The following SLC2A13 variants were observed in gnomAD, a reference collection of about 807,000 sequenced individuals.
The protein encoded by SLC2A13 is solute carrier family 2 member 13.
In SLC2A13, 32 loss-of-function variants were observed where a neutral mutation model predicts 64.4. That is an observed-to-expected ratio of 0.50 (90% CI 0.37 to 0.67). The LOEUF is 0.67. SLC2A13 is among the 30% of genes least tolerant of loss of function. The pLI is 0.00. For synonymous variants in SLC2A13, 338 were observed against 327.1 expected (o/e 1.03, Z -0.36); for missense variants, 743 against 829.2 (o/e 0.90, Z 1.28).
chr12:39,978,474 C>T (rs558937398), intron 3 of SLC2A13, among the ~76,000 whole-genome samples: 11 of 152,160 alleles, frequency 7.2e-5, no homozygotes, highest in South Asian at 2.1e-4. Context: ...GCGCACCGTG[C>T]GCGAGCCGAA....
intron 9 of SLC2A13, among the ~76,000 whole-genome samples, chr12:39,763,852 T>C (rs574291418): frequency 2.0e-5 from 3 of 152,264 alleles, no homozygotes; most frequent in Non-Finnish European, 4.4e-5. Flanking sequence ...TTTTGAATTA[T>C]GGCCTCCATA....
At chr12:39,836,448 TCA>T (rs1471112588) in intron 6 of SLC2A13, among the ~76,000 whole-genome samples, 1 of 152,102 alleles carries the variant, frequency 6.6e-6, no homozygotes. Context: ...ATGCCCTCTC[TCA>T]CCACTCCTAT....
At chr12:39,800,309 G>T (rs1355107024) in intron 7 of SLC2A13, among the ~76,000 whole-genome samples, 1 of 152,102 alleles carries the variant, frequency 6.6e-6, no homozygotes, top group Admixed American at 6.5e-5. Context: ...AATTGGCAAG[G>T]TATTTCCAAG....
chr12:39,821,670 G>A (rs1266556086), intron 7 of SLC2A13, among the ~76,000 whole-genome samples: 1 of 152,156 alleles, frequency 6.6e-6, no homozygotes, highest in Non-Finnish European at 1.5e-5. Flanking sequence ...ATACCGAAGA[G>A]GGAAAAGAGG....
chr12:39,922,787 TCTTACAAAACTAG>T (rs1197041720), intron 4 of SLC2A13, among the ~76,000 whole-genome samples: 1 of 152,154 alleles, frequency 6.6e-6, no homozygotes, highest in Non-Finnish European at 1.5e-5. Context: ...GATAAGCTAG[TCTTACAAAACTAG>T]CTTGCAAAAC....
chr12:39,895,183 C>A (rs1944709393), intron 4 of SLC2A13, among the ~76,000 whole-genome samples: 1 of 151,922 alleles, frequency 6.6e-6, no homozygotes, highest in Admixed American at 6.6e-5. Flanking sequence ...CCCTGAGTAA[C>A]AAGTAGTGGG....
chr12:39,980,318 T>C (rs1946864911), intron 3 of SLC2A13, among the ~76,000 whole-genome samples: 1 of 151,592 alleles, frequency 6.6e-6, no homozygotes, highest in African/African-American at 2.4e-5. Context: ...AATTCACACA[T>C]AACAATATTA....
chr12:39,799,856 G>T (rs1941720475), intron 7 of SLC2A13, among the ~76,000 whole-genome samples: 1 of 152,186 alleles, frequency 6.6e-6, no homozygotes, highest in African/African-American at 2.4e-5. Flanking sequence ...CAAGAAACTT[G>T]GTAGAACTTT....
In SLC2A13 at chr12:39,929,550, CA is replaced by C. The variant is rs879342151; in HGVS notation, c.1034+21706del. ...TGGGCGACAGAGTGAGAGTCCATCT[CA>C]AAAAAAAAAAGCAAAAGACATGTAA... On this transcript the variant is annotated intron_variant, in intron 4 of 9. Transcript: ENST00000280871. Among the ~76,000 whole-genome samples, 193 of 134,028 alleles carry C rather than the reference CA, an allele frequency of 1.4e-3. 1 individual carries two copies. The highest frequency in any genetic ancestry group is 8.7e-4 in the East Asian group (4 of 4,578). 87.9% of individuals were successfully genotyped at this position (134,028 alleles called of 152,430 possible).
intron 3 of SLC2A13, among the ~76,000 whole-genome samples, chr12:39,980,848 C>A (rs1946879380): frequency 6.6e-6 from 1 of 151,952 alleles, no homozygotes; most frequent in African/African-American, 2.4e-5. Flanking sequence ...CAGAACTCTC[C>A]ACCCCAAATC....
intron 4 of SLC2A13, among the ~76,000 whole-genome samples, chr12:39,883,303 C>T (rs1278802809): frequency 6.6e-6 from 1 of 152,170 alleles, no homozygotes; most frequent in Admixed American, 6.5e-5. Context: ...CCATCACTCT[C>T]CTGATTCAGC....
chr12:40,033,936 G>C (rs915861128), intron 2 of SLC2A13, among the ~76,000 whole-genome samples: 1 of 152,130 alleles, frequency 6.6e-6, no homozygotes. Flanking sequence ...TGAAGAAATT[G>C]TACAGGAGTG....
At chr12:40,086,214 C>T (rs1938583908) in intron 1 of SLC2A13, among the ~76,000 whole-genome samples, 1 of 152,084 alleles carries the variant, frequency 6.6e-6, no homozygotes, top group Non-Finnish European at 1.5e-5. Flanking sequence ...CTGAGCAAGG[C>T]ACCAATCACG....
intron 1 of SLC2A13, among the ~76,000 whole-genome samples, chr12:40,084,385 T>C (rs1398232554): frequency 6.6e-6 from 1 of 152,216 alleles, no homozygotes; most frequent in Non-Finnish European, 1.5e-5. Flanking sequence ...CAGTTTTCCA[T>C]TAAAAAGCAC....
intron 4 of SLC2A13, among the ~76,000 whole-genome samples, chr12:39,940,115 G>A (rs1037543714): frequency 6.6e-6 from 1 of 152,068 alleles, no homozygotes; most frequent in Non-Finnish European, 1.5e-5. Flanking sequence ...ACACGAATGA[G>A]TACAATTCAC....
intron 3 of SLC2A13, among the ~76,000 whole-genome samples, chr12:40,015,547 C>G (rs1471233232): frequency 1.3e-5 from 2 of 152,182 alleles, no homozygotes; most frequent in African/African-American, 4.8e-5. Context: ...TGTACTACCA[C>G]TTCCTCCAGT....
At chr12:40,072,859 G>A (rs751439255) in intron 1 of SLC2A13, among the ~76,000 whole-genome samples, 3 of 151,952 alleles carry the variant, frequency 2.0e-5, no homozygotes, top group Non-Finnish European at 2.9e-5. Flanking sequence ...ACTGACCTTC[G>A]AAGTGATTAC....
At chr12:40,096,069 G>A (rs1026524789) in intron 1 of SLC2A13, among the ~76,000 whole-genome samples, 26 of 150,028 alleles carry the variant, frequency 1.7e-4, no homozygotes, top group African/African-American at 6.1e-4. Context: ...TGAGTAGCCC[G>A]CCACCACGCC....
chr12:39,995,590 G>C (rs1288468269), intron 3 of SLC2A13, among the ~76,000 whole-genome samples: 1 of 152,188 alleles, frequency 6.6e-6, no homozygotes, highest in African/African-American at 2.4e-5. Flanking sequence ...AGATATAAAA[G>C]TAGGCATACA....
Sources: gnomAD v4.1 joint callset for allele counts (sites outside exome capture counted in the v4.1 genomes callset) on GRCh38, gnomAD v4.1.1 for gene constraint, MANE v1.5 for transcripts, NCBI Gene and HGNC (gene_info 2026-07-23, HGNC 2026-07-21) for gene names.